PMEPA1: variants seen among roughly 807,000 people sequenced by gnomAD.
The protein encoded by PMEPA1 is prostate transmembrane protein, androgen induced 1, also known as protein TMEPAI.
A neutral mutation model predicts 23.0 loss-of-function variants in PMEPA1; 11 were observed. That is an observed-to-expected ratio of 0.48 (90% CI 0.30 to 0.79). The LOEUF (loss-of-function observed/expected upper bound fraction) is 0.79. Ranked by LOEUF, PMEPA1 falls within the 30% of genes least tolerant of loss-of-function variation. The pLI is 0.06. For synonymous variants in PMEPA1, 204 were observed against 166.4 expected (o/e 1.23, Z -1.74); for missense variants, 377 against 390.9 (o/e 0.96, Z 0.30).
At chr20:57,690,872 T>TCGCC (rs1337217672) in intron 1 of PMEPA1, among the ~76,000 whole-genome samples, 1 of 152,136 alleles carries the variant, frequency 6.6e-6, no homozygotes, top group Non-Finnish European at 1.5e-5. Flanking sequence ...GTTCCTGCAC[T>TCGCC]CGCCCCATTT....
rs1000810186 is a variant in PMEPA1 at position 57,649,725 on chromosome 20, G to A, written c.*2328C>T. 3 of 152,472 alleles carry A rather than the reference G, an allele frequency of 2.0e-5. No individual in the cohort carries two copies. The highest frequency in any genetic ancestry group is 7.2e-5 in the African/African-American group (3 of 41,380). The allele number at this position is 152,472 out of a possible 1,614,324, so 9.4% of individuals were successfully genotyped here. A position where few individuals can be genotyped will look rare whatever the true frequency, so the allele number is the denominator to read the frequency against. On this transcript the variant is annotated 3_prime_UTR_variant, in exon 4 of 4. Coordinates refer to ENST00000341744, the MANE Select transcript of PMEPA1 (RefSeq NM_020182.5). The stretch of plus-strand genomic sequence containing the variant: ...AGCAGGAGTAACCTCACCAAGCTAG[G>A]CACCTCCCTGGTAGAGACAGGGTGA...
In PMEPA1 at chr20:57,649,060, G is replaced by A. The variant is rs2071186089; in HGVS notation, c.*2993C>T. 1.3e-5 allele frequency: 2 copies of A among 152,102 alleles called. No individual in the cohort carries two copies. The highest frequency in any genetic ancestry group is 4.8e-5 in the African/African-American group (2 of 41,398). The allele number at this position is 152,102 out of a possible 1,614,324, so 9.4% of individuals were successfully genotyped here. On this transcript the variant is annotated 3_prime_UTR_variant, in exon 4 of 4. Transcript: ENST00000341744. ...AATTTTCCTCCTCTGGAGGAAAGGT[G>A]GTGATTGACAGGCAGGGAGACAGTG...
At position 57,652,679 on chromosome 20, in the gene PMEPA1, G is replaced by C. The variant is rs1439069784; in HGVS notation, c.319-81C>G. On this transcript the variant is annotated intron_variant, in intron 3 of 3. Transcript: ENST00000341744. This position sits in a 1 kb window ranked among gnomAD's most constrained non-coding sequence, Gnocchi z 6.1. ...GAAGCGATCCTGAGACTGGAGTTCT[G>C]CTGCATGGGACTTGGCTCTCTGGGG... 2 of 1,195,062 alleles carry C rather than the reference G, an allele frequency of 1.7e-6. No individual in the cohort carries two copies. Among genetic ancestry groups the C allele is most frequent in the African/African-American group, 1.5e-5 (1 of 65,072 alleles). 74.0% of individuals were successfully genotyped at this position (1,195,062 alleles called of 1,614,324 possible). A position where few individuals can be genotyped will look rare whatever the true frequency, so the allele number is the denominator to read the frequency against.
At chr20:57,668,632 A>G (rs1385030230) in intron 1 of PMEPA1, among the ~76,000 whole-genome samples, 1 of 151,842 alleles carries the variant, frequency 6.6e-6, no homozygotes, top group Non-Finnish European at 1.5e-5. Context: ...ACCTCTGCAG[A>G]GTGAAACAGC....
Position 57,650,997 on chromosome 20 carries a change from G to A in PMEPA1, c.*1056C>T, listed in dbSNP as rs1329281680. The stretch of plus-strand genomic sequence containing the variant: ...GGGCACCAGCCGCTGCGGCTTGTGA[G>A]GGGCACCATGCTCCACCCCACGGGG... On this transcript the variant is annotated 3_prime_UTR_variant, in exon 4 of 4. Transcript: ENST00000341744. 6.6e-6 allele frequency: 1 copy of A among 152,356 alleles called. No individual in the cohort carries two copies. Among genetic ancestry groups the A allele is most frequent in the Admixed American group, 6.5e-5 (1 of 15,310 alleles). 9.4% of individuals were successfully genotyped at this position (152,356 alleles called of 1,614,324 possible).
At chr20:57,665,917 T>G (rs936729694) in intron 1 of PMEPA1, among the ~76,000 whole-genome samples, 1 of 150,858 alleles carries the variant, frequency 6.6e-6, no homozygotes, top group African/African-American at 2.5e-5. Context: ...CACCTTTCTC[T>G]CCCCCAAGGG....
intron 1 of PMEPA1, among the ~76,000 whole-genome samples, chr20:57,681,250 G>C (rs1302984797): frequency 6.6e-6 from 1 of 152,158 alleles, no homozygotes; most frequent in Non-Finnish European, 1.5e-5. Flanking sequence ...TCACGGCAGT[G>C]GGGAATGAGA....
chr20:57,680,678 C>T (rs1051635348), intron 1 of PMEPA1, among the ~76,000 whole-genome samples: 2 of 152,230 alleles, frequency 1.3e-5, no homozygotes, highest in African/African-American at 2.4e-5. Flanking sequence ...CACACACAAC[C>T]GGTTTGAAGA....
At chr20:57,686,538 T>A (rs2071803295) in intron 1 of PMEPA1, among the ~76,000 whole-genome samples, 1 of 152,248 alleles carries the variant, frequency 6.6e-6, no homozygotes, top group Non-Finnish European at 1.5e-5. Flanking sequence ...AGCCTCAGTT[T>A]ACCCTGCTGT....
Position 57,709,488 on chromosome 20 carries a change from T to C in PMEPA1, c.95A>G (p.Gln32Arg). 8.7e-7 allele frequency: 1 copy of C among 1,144,872 alleles called. No individual in the cohort carries two copies. Among genetic ancestry groups the C allele is most frequent in the Non-Finnish European group, 1.1e-6 (1 of 914,824 alleles). The allele number at this position is 1,144,872 out of a possible 1,614,324, so 70.9% of individuals were successfully genotyped here. A position where few individuals can be genotyped will look rare whatever the true frequency, so the allele number is the denominator to read the frequency against. ...CTCNCKRSLF[Q>R]SMEITELEFV... is the part of the protein sequence containing the mutation. ...GGGTCACTCACTGATCTCCATGCTC[T>C]GGAACAAAGAGCGTTTGCAGTTGCA... The change falls in exon 1 of 4, where the codon CAG becomes CGG. Residue 32 changes from glutamine to arginine, a missense_variant. By Grantham distance (43) the Gln-to-Arg change is conservative (BLOSUM62 1). This residue lies in a region of PMEPA1 where 198 missense variants were observed against 196.3 expected (regional missense o/e 1.01). Coordinates refer to ENST00000341744, the MANE Select transcript of PMEPA1 (RefSeq NM_020182.5).
At chr20:57,681,113 G>A (rs1195229091) in intron 1 of PMEPA1, among the ~76,000 whole-genome samples, 2 of 152,248 alleles carry the variant, frequency 1.3e-5, no homozygotes, top group African/African-American at 4.8e-5. Flanking sequence ...CATCAACCCT[G>A]GGTGCTACCA....
chr20:57,702,026 G>T (rs1015572239), intron 1 of PMEPA1, among the ~76,000 whole-genome samples: 3 of 152,162 alleles, frequency 2.0e-5, no homozygotes, highest in South Asian at 2.1e-4. Flanking sequence ...CAGGCTGGGG[G>T]TCTCCCTAGG....
At chr20:57,685,176 A>G (rs1254064989) in intron 1 of PMEPA1, among the ~76,000 whole-genome samples, 4 of 152,030 alleles carry the variant, frequency 2.6e-5, no homozygotes, top group Admixed American at 2.0e-4. Context: ...AATTAAAAAA[A>G]GAAAAAAGCT....
intron 2 of PMEPA1, among the ~76,000 whole-genome samples, chr20:57,658,835 G>A (rs865789508): frequency 9.9e-5 from 15 of 152,190 alleles, no homozygotes; most frequent in Admixed American, 2.6e-4. Context: ...CCTCCCTTCC[G>A]TCTGGGTCAG....
At chr20:57,666,460 C>T (rs896008897) in intron 1 of PMEPA1, among the ~76,000 whole-genome samples, 3 of 152,152 alleles carry the variant, frequency 2.0e-5, no homozygotes, top group African/African-American at 2.4e-5. Flanking sequence ...AGAGGTGAGG[C>T]GACCGCCAAA....
intron 1 of PMEPA1, among the ~76,000 whole-genome samples, chr20:57,686,532 TC>T (rs1459049718): frequency 6.6e-6 from 1 of 152,218 alleles, no homozygotes; most frequent in African/African-American, 2.4e-5. Context: ...TCCCTGAGCC[TC>T]AGTTTACCCT....
intron 1 of PMEPA1, among the ~76,000 whole-genome samples, chr20:57,701,745 C>T (rs1324310148): frequency 3.3e-5 from 5 of 152,164 alleles, no homozygotes; most frequent in African/African-American, 7.2e-5. Flanking sequence ...GAGGATACCA[C>T]GCTCACCCCC....
rs1461545483 is a variant in PMEPA1 at position 57,683,350 on chromosome 20, G to A, written c.110-23653C>T. ...CTATGCCATGCTGGCCTGGTGACTTGGGTTAATATAATCATTTTCCTTTAA... is the reference window on the plus strand; with the variant it reads ...CTATGCCATGCTGGCCTGGTGACTTAGGTTAATATAATCATTTTCCTTTAA... On this transcript the variant is annotated intron_variant, in intron 1 of 3. Transcript: ENST00000341744. The surrounding 1 kb of genome is among the most constrained non-coding windows in gnomAD (Gnocchi z 4.3). 6.6e-6 allele frequency among the ~76,000 whole-genome samples: 1 copy of A among 152,114 alleles called. No homozygotes were observed. Among genetic ancestry groups the A allele is most frequent in the African/African-American group, 2.4e-5 (1 of 41,428 alleles).
At position 57,652,930 on chromosome 20, in the gene PMEPA1, G is replaced by A. The variant is rs2071273514; in HGVS notation, c.318+103C>T. Reference sequence around the variant, plus strand: ...CCAGCAGCAAGGGCACTGCAGAGGAGGGCGGAGGGGTGAGCCTTTAGCAGC... The same window carrying A: ...CCAGCAGCAAGGGCACTGCAGAGGAAGGCGGAGGGGTGAGCCTTTAGCAGC... On this transcript the variant is annotated intron_variant, in intron 3 of 3. Coordinates refer to ENST00000341744, the MANE Select transcript of PMEPA1 (RefSeq NM_020182.5). This position sits in a 1 kb window ranked among gnomAD's most constrained non-coding sequence, Gnocchi z 6.1. 1 of 962,490 alleles carries A rather than the reference G, an allele frequency of 1.0e-6. No individual in the cohort carries two copies. 59.6% of individuals were successfully genotyped at this position (962,490 alleles called of 1,614,324 possible).
Sources: gnomAD v4.1 joint callset for allele counts (sites outside exome capture counted in the v4.1 genomes callset) on GRCh38, gnomAD v4.1.1 for gene constraint, gnomAD v4.1.1 regional missense constraint, Gnocchi (gnomAD v3.1) non-coding constraint, MANE v1.5 for transcripts, NCBI Gene and HGNC (gene_info 2026-07-23, HGNC 2026-07-21) for gene names.